The following PPFIBP2 variants were observed in gnomAD, a reference collection of about 807,000 sequenced individuals.
PPFIBP2 encodes the protein PPFIB scaffold protein 2, also known as liprin-beta-2.
Under a neutral mutation model 118.3 loss-of-function variants are expected in PPFIBP2, and 118 were observed. The observed-to-expected ratio is 1.00, with a 90% CI of 0.86 to 1.16. The LOEUF (loss-of-function observed/expected upper bound fraction) is 1.16. Ranked by LOEUF, PPFIBP2 falls within the 50% of genes most tolerant of loss-of-function variation. PPFIBP2 has a pLI of 0.00. For synonymous variants in PPFIBP2, 414 were observed against 397.4 expected (o/e 1.04, Z -0.50); for missense variants, 1,195 against 1,073.1 (o/e 1.11, Z -1.59).
intron 19 of PPFIBP2, 76 bp downstream of exon 19, chr11:7,648,987 G>A (rs1853562914): frequency 3.6e-6 from 5 of 1,407,762 alleles, no homozygotes; most frequent in East Asian, 4.6e-5. Flanking sequence ...TGTTAAATGG[G>A]TACCTCAAGG....
chr11:7,635,930 C>G (rs577435984), intron 14 of PPFIBP2, among the ~76,000 whole-genome samples: 1 of 152,156 alleles, frequency 6.6e-6, no homozygotes, highest in East Asian at 1.9e-4. Flanking sequence ...AGCTCTCATC[C>G]TTTCTGTGCT....
the PPFIBP2 span, chr11:7,666,582 C>G: frequency 2.0e-6 from 3 of 1,504,470 alleles, no homozygotes; most frequent in South Asian, 2.3e-5. Context: ...AAAAGCCCCT[C>G]CAGGGCCATC....
intron 1 of PPFIBP2, among the ~76,000 whole-genome samples, chr11:7,529,930 C>T (rs963364874): frequency 2.6e-5 from 4 of 152,190 alleles, no homozygotes; most frequent in African/African-American, 7.2e-5. Context: ...GCTAGAGAGA[C>T]GCAGAAAACC....
intron 1 of PPFIBP2, among the ~76,000 whole-genome samples, chr11:7,519,479 C>T (rs186328264): frequency 3.8e-4 from 58 of 152,278 alleles, no homozygotes; most frequent in African/African-American, 1.1e-3. Flanking sequence ...TTTCATTTGC[C>T]GGCCATTTGG....
chr11:7,538,700 C>T (rs1204491443), intron 1 of PPFIBP2, among the ~76,000 whole-genome samples: 1 of 151,628 alleles, frequency 6.6e-6, no homozygotes, highest in Non-Finnish European at 1.5e-5. Context: ...TATCCTGGAC[C>T]TCGCCTGACA....
chr11:7,549,385 T>G, intron 1 of PPFIBP2, 55 bp from the exon 2 acceptor site: 2 of 1,470,094 alleles, frequency 1.4e-6, no homozygotes, highest in Non-Finnish European at 9.3e-7. Flanking sequence ...CGATCTTGTG[T>G]GCGTAACATG....
At chr11:7,642,880 G>A (rs1852413613) in intron 17 of PPFIBP2, among the ~76,000 whole-genome samples, 1 of 152,202 alleles carries the variant, frequency 6.6e-6, no homozygotes, top group Non-Finnish European at 1.5e-5. Context: ...ATCCCCTGCG[G>A]AAGGGAGTCT....
At chr11:7,603,288 A>G (rs773018600) in intron 5 of PPFIBP2, among the ~76,000 whole-genome samples, 43 of 152,224 alleles carry the variant, frequency 2.8e-4, no homozygotes, top group Non-Finnish European at 5.7e-4. Context: ...TCCAGACTAC[A>G]GGGCAAAGTA....
chr11:7,639,146 A>C (rs1851807961), intron 14 of PPFIBP2, among the ~76,000 whole-genome samples: 1 of 152,150 alleles, frequency 6.6e-6, no homozygotes, highest in East Asian at 1.9e-4. Flanking sequence ...TCATTTATGC[A>C]GTTGGTCAGG....
chr11:7,666,692 G>C, the PPFIBP2 span: 1 of 573,738 alleles, frequency 1.7e-6, no homozygotes, highest in South Asian at 2.2e-5. Flanking sequence ...CGGCAAACAA[G>C]AGTTCTGCTG....
chr11:7,656,526 T>G (rs1292391922), downstream of PPFIBP2, among the ~76,000 whole-genome samples: 1 of 152,256 alleles, frequency 6.6e-6, no homozygotes, highest in Non-Finnish European at 1.5e-5. Flanking sequence ...AATTTATTTC[T>G]AAGATGAACA....
Position 7,641,586 on chromosome 11 carries a change from C to A in PPFIBP2, c.1483C>A (p.Arg495=), listed in dbSNP as rs150660067. Residue 495 remains arginine, a synonymous_variant, in exon 16 of 24, where the codon CGG becomes AGG. Coordinates refer to ENST00000299492, the MANE Select transcript of PPFIBP2 (RefSeq NM_003621.5). ...PQSPLTPDGK[R]NPKGIKKFWG... ...GTCTCCTCTGACACCAGATGGTAAA[C>A]GGAATCCCAAAGGCATTAAGAAGTT... is the stretch of plus-strand genomic sequence containing the variant. 1 of 1,613,982 alleles carries A rather than the reference C, an allele frequency of 6.2e-7. No individual in the cohort carries two copies. The highest frequency in any genetic ancestry group is 8.5e-7 in the Non-Finnish European group (1 of 1,179,842).
At chr11:7,652,406 A>ACTACATTCTTCCCAG (rs1330697858) in intron 23 of PPFIBP2, among the ~76,000 whole-genome samples, 4 of 152,196 alleles carry the variant, frequency 2.6e-5, no homozygotes, top group African/African-American at 9.7e-5. Context: ...GCATCCTCAG[A>ACTACATTCTTCCCAG]CCACATTCTT....
At chr11:7,555,116 C>T (rs1853455254) in intron 2 of PPFIBP2, among the ~76,000 whole-genome samples, 1 of 152,138 alleles carries the variant, frequency 6.6e-6, no homozygotes, top group Admixed American at 6.5e-5. Context: ...ACTAATTTTG[C>T]ATGGAGCTTA....
At chr11:7,597,254 G>T in intron 4 of PPFIBP2, 1 of 1,534,004 alleles carries the variant, frequency 6.5e-7, no homozygotes, top group Non-Finnish European at 8.7e-7. Context: ...AGAGGAATAA[G>T]GAGCAGGAGT....
At chr11:7,531,441 C>T (rs931268848) in intron 1 of PPFIBP2, among the ~76,000 whole-genome samples, 7 of 152,168 alleles carry the variant, frequency 4.6e-5, no homozygotes, top group Non-Finnish European at 8.8e-5. Context: ...TAAATGGTCT[C>T]GGTCCAGAGG....
the PPFIBP2 span, chr11:7,665,728 A>AG: frequency 8.3e-7 from 1 of 1,203,914 alleles, no homozygotes. Flanking sequence ...CTCTGCAGCA[A>AG]TCACCCCAGG....
intron 3 of PPFIBP2, among the ~76,000 whole-genome samples, chr11:7,585,469 C>T (rs1443735510): frequency 6.6e-6 from 1 of 152,208 alleles, no homozygotes; most frequent in Non-Finnish European, 1.5e-5. Flanking sequence ...CAATGAAGTA[C>T]AGTGCCAGCA....
At chr11:7,604,775 T>C (rs1461879335) in intron 5 of PPFIBP2, among the ~76,000 whole-genome samples, 1 of 152,144 alleles carries the variant, frequency 6.6e-6, no homozygotes, top group South Asian at 2.1e-4. Flanking sequence ...GAGTAGATGA[T>C]TGATGGCCCT....
Sources: gnomAD v4.1 joint callset for allele counts (sites outside exome capture counted in the v4.1 genomes callset) on GRCh38, gnomAD v4.1.1 for gene constraint, MANE v1.5 for transcripts, NCBI Gene and HGNC (gene_info 2026-07-23, HGNC 2026-07-21) for gene names.